Variants in CTNNA2 observed in about 807,000 individuals in gnomAD.
The protein encoded by CTNNA2 is catenin alpha 2.
Under a neutral mutation model 101.0 loss-of-function variants are expected in CTNNA2, and 42 were observed. The ratio of observed to expected loss-of-function variants is 0.42; its 90% CI spans 0.32 to 0.54. The LOEUF is 0.54. Ranked by LOEUF, CTNNA2 falls within the 20% of genes least tolerant of loss-of-function variation. The pLI, the probability that CTNNA2 is intolerant of heterozygous loss-of-function variation, is 0.14. For synonymous variants in CTNNA2, 450 were observed against 456.4 expected, an observed-to-expected ratio of 0.99 and a Z score of 0.18; for missense variants, 871 against 1,223.1, an observed-to-expected ratio of 0.71 and a Z score of 4.29.
At chr2:79,260,847 C>A (rs1674912382) in intron 2 of CTNNA2, among the ~76,000 whole-genome samples, 1 of 152,146 alleles carries the variant, frequency 6.6e-6, no homozygotes, top group South Asian at 2.1e-4. Context: ...AAGATTGACT[C>A]TTAAGCCAAA....
intron 8 of CTNNA2, among the ~76,000 whole-genome samples, chr2:80,407,246 C>T (rs943803571): frequency 3.9e-5 from 6 of 152,172 alleles, no homozygotes; most frequent in African/African-American, 1.4e-4. Flanking sequence ...CTCTTAGAGG[C>T]CACAGTTAGC....
At chr2:79,716,654 A>G (rs1686126657) in intron 2 of CTNNA2, among the ~76,000 whole-genome samples, 3 of 152,106 alleles carry the variant, frequency 2.0e-5, no homozygotes, top group Non-Finnish European at 4.4e-5. Context: ...TTCACAGTGA[A>G]CTCTGGTGGT....
chr2:80,141,537 G>A (rs1302619436), intron 7 of CTNNA2, among the ~76,000 whole-genome samples: 2 of 152,000 alleles, frequency 1.3e-5, no homozygotes, highest in African/African-American at 2.4e-5. Context: ...CCTCTTGCCG[G>A]CCTCATCTTA....
chr2:80,363,440 C>T (rs1432557570), intron 7 of CTNNA2, among the ~76,000 whole-genome samples: 1 of 152,150 alleles, frequency 6.6e-6, no homozygotes, highest in African/African-American at 2.4e-5. Flanking sequence ...TTTACCAGCT[C>T]TCTCAAATAA....
intron 4 of CTNNA2, among the ~76,000 whole-genome samples, chr2:79,414,857 T>C (rs1362197630): frequency 1.3e-5 from 2 of 152,058 alleles, no homozygotes; most frequent in East Asian, 1.9e-4. Flanking sequence ...AGCCACCAGA[T>C]GACTGTACCA....
At chr2:80,030,933 A>C (rs1454601976) in intron 7 of CTNNA2, among the ~76,000 whole-genome samples, 1 of 152,234 alleles carries the variant, frequency 6.6e-6, no homozygotes, top group African/African-American at 2.4e-5. Context: ...AAAAATGAAA[A>C]TAACAAAAAT....
intron 2 of CTNNA2, among the ~76,000 whole-genome samples, chr2:79,710,183 C>G (rs1439168089): frequency 6.6e-6 from 1 of 151,948 alleles, no homozygotes; most frequent in East Asian, 1.9e-4. Context: ...TGAGTAGTTA[C>G]ATTTCTTCTA....
intron 9 of CTNNA2, among the ~76,000 whole-genome samples, chr2:80,496,765 A>C (rs1687507611): frequency 1.3e-5 from 2 of 152,204 alleles, no homozygotes; most frequent in African/African-American, 4.8e-5. Context: ...ATATTTGCTC[A>C]AACAATTGAA....
intron 7 of CTNNA2, among the ~76,000 whole-genome samples, chr2:79,952,162 G>C (rs1475973583): frequency 6.6e-6 from 1 of 152,028 alleles, no homozygotes; most frequent in African/African-American, 2.4e-5. Context: ...GTCTCTCCAG[G>C]CCACCTAACT....
At chr2:80,218,117 C>A (rs977190060) in intron 7 of CTNNA2, among the ~76,000 whole-genome samples, 2 of 152,186 alleles carry the variant, frequency 1.3e-5, no homozygotes, top group African/African-American at 4.8e-5. Context: ...AAGGGTGGAG[C>A]AGTTGAGGTG....
At chr2:79,564,889 A>G (rs1278399004) in intron 1 of CTNNA2, among the ~76,000 whole-genome samples, 3 of 152,020 alleles carry the variant, frequency 2.0e-5, no homozygotes, top group East Asian at 1.9e-4. Context: ...GTCCTTTCAT[A>G]TATTTATTTC....
intron 8 of CTNNA2, among the ~76,000 whole-genome samples, chr2:80,399,075 ATTT>A (rs375797544): frequency 1.5e-5 from 2 of 137,518 alleles, no homozygotes; most frequent in Admixed American, 7.3e-5. Context: ...CGCCTGGCTA[ATTT>A]TTTTTTTTTT....
At chr2:79,413,976 C>A (rs555753311) in intron 4 of CTNNA2, among the ~76,000 whole-genome samples, 118 of 133,056 alleles carry the variant, frequency 8.9e-4, no homozygotes, top group Admixed American at 1.7e-3. Flanking sequence ...TATATATAAG[C>A]TTTTTAGTTT....
At chr2:79,912,414 G>A (rs1379320680) in intron 7 of CTNNA2, among the ~76,000 whole-genome samples, 2 of 152,260 alleles carry the variant, frequency 1.3e-5, no homozygotes, top group Non-Finnish European at 2.9e-5. Context: ...TAGGATAGCA[G>A]TCACATGTTA....
chr2:80,035,671 T>C (rs1574598989), intron 7 of CTNNA2, among the ~76,000 whole-genome samples: 1 of 152,168 alleles, frequency 6.6e-6, no homozygotes, highest in Non-Finnish European at 1.5e-5. Flanking sequence ...TGAAATCAAG[T>C]ATCTTTAAAA....
intron 2 of CTNNA2, among the ~76,000 whole-genome samples, chr2:79,705,074 T>C (rs1031657189): frequency 6.6e-6 from 1 of 152,128 alleles, no homozygotes; most frequent in South Asian, 2.1e-4. Flanking sequence ...TACAGGCATC[T>C]AGTGGGTCGA....
intron 2 of CTNNA2, among the ~76,000 whole-genome samples, chr2:79,305,292 GTGTA>G (rs1676208545): frequency 1.3e-5 from 2 of 148,990 alleles, no homozygotes; most frequent in Admixed American, 6.7e-5. Flanking sequence ...ATACGTGTGT[GTGTA>G]TATATATACA....
chr2:80,179,051 T>C (rs966176745), intron 7 of CTNNA2, among the ~76,000 whole-genome samples: 5 of 152,154 alleles, frequency 3.3e-5, no homozygotes, highest in Non-Finnish European at 5.9e-5. Flanking sequence ...TGCCAGAGAG[T>C]TGATGTACCC....
At chr2:79,640,720 T>C (rs1195784960) in intron 1 of CTNNA2, among the ~76,000 whole-genome samples, 4 of 152,326 alleles carry the variant, frequency 2.6e-5, no homozygotes, top group Non-Finnish European at 5.9e-5. Context: ...AAAGTACAAA[T>C]AAATATTTGG....
Sources: gnomAD v4.1 joint callset for allele counts (sites outside exome capture counted in the v4.1 genomes callset) on GRCh38, gnomAD v4.1.1 for gene constraint, MANE v1.5 for transcripts, NCBI Gene and HGNC (gene_info 2026-07-23, HGNC 2026-07-21) for gene names.